The following REV3L variants were observed in gnomAD, a reference collection of about 807,000 sequenced individuals.
REV3L encodes the protein DNA polymerase zeta catalytic subunit.
Under a neutral mutation model 299.4 loss-of-function variants are expected in REV3L, and 69 were observed. The observed-to-expected ratio is 0.23, with a 90% CI of 0.19 to 0.28. REV3L has a LOEUF of 0.28. REV3L is among the 10% of genes least tolerant of loss of function. The pLI, the probability that REV3L is intolerant of heterozygous loss-of-function variation, is 1.00. For synonymous variants in REV3L, 1,238 were observed against 1,271.4 expected, an observed-to-expected ratio of 0.97 and a Z score of 0.56; for missense variants, 3,128 against 3,693.8, an observed-to-expected ratio of 0.85 and a Z score of 3.97.
chr6:111,398,177 A>G (rs972814755), intron 4 of REV3L, among the ~76,000 whole-genome samples: 23 of 151,908 alleles, frequency 1.5e-4, no homozygotes, highest in African/African-American at 5.6e-4. Flanking sequence ...GAGAACTGTT[A>G]CATCTTTTCA....
At chr6:111,331,844 G>A (rs950162018) in intron 23 of REV3L, 60 bp from the exon 24 acceptor site, 12 of 1,115,428 alleles carry the variant, frequency 1.1e-5, no homozygotes, top group South Asian at 2.8e-5. Flanking sequence ...GAGATTTTAC[G>A]CAATTTAAAA....
chr6:111,367,725 T>C lies in REV3L; in HGVS notation c.6063A>G (p.Lys2021=), dbSNP rs1779369769. The change falls in exon 14 of 32, where the codon AAA becomes AAG. Residue 2021 remains lysine (K), a synonymous_variant. Coordinates refer to ENST00000368802, the MANE Select transcript of REV3L (RefSeq NM_001372078.1). ...CTCCAGTTGGCTTGGTTTTAGGCAGTTTCTTGGAACGTTCGTATTCTTCTT... is the reference window on the plus strand; with the variant it reads ...CTCCAGTTGGCTTGGTTTTAGGCAGCTTCTTGGAACGTTCGTATTCTTCTT... ...QAKEEYERSK[K]LPKTKPTGVV... 5 of 1,614,192 alleles carry C rather than the reference T, an allele frequency of 3.1e-6. No individual in the cohort carries two copies. Among genetic ancestry groups the C allele is most frequent in the Non-Finnish European group, 4.2e-6 (5 of 1,180,026 alleles).
At chr6:111,369,988 A>G (rs1053163310) in intron 13 of REV3L, among the ~76,000 whole-genome samples, 8 of 151,964 alleles carry the variant, frequency 5.3e-5, no homozygotes, top group Non-Finnish European at 8.8e-5. Flanking sequence ...TCATGCCACC[A>G]TGCCCAGCTA....
At chr6:111,307,778 C>A (rs1163779873) in intron 30 of REV3L, 5 of 556,200 alleles carry the variant, frequency 9.0e-6, no homozygotes, top group African/African-American at 5.6e-5. Context: ...GAACTTACAT[C>A]TTAATATTAT....
intron 1 of REV3L, among the ~76,000 whole-genome samples, chr6:111,422,966 C>A (rs957104091): frequency 6.6e-6 from 1 of 151,756 alleles, no homozygotes; most frequent in African/African-American, 2.4e-5. Context: ...GAAACTATAT[C>A]GCTGAAATAC....
chr6:111,299,187 A>AGAT lies in REV3L; in HGVS notation c.*826_*828dup, dbSNP rs1771195265. The AGAT allele has an allele frequency of 6.6e-6, 1 of 152,618 alleles. No individual in the cohort carries two copies. The highest frequency in any genetic ancestry group is 1.9e-4 in the East Asian group (1 of 5,206). 9.5% of individuals were successfully genotyped at this position (152,618 alleles called of 1,614,324 possible). A position where few individuals can be genotyped will look rare whatever the true frequency, so the allele number is the denominator to read the frequency against. On this transcript the variant is annotated 3_prime_UTR_variant, in exon 32 of 32. Coordinates refer to ENST00000368802, the MANE Select transcript of REV3L (RefSeq NM_001372078.1). ...ATTCTAAATACACATTTTGTGTTCA[A>AGAT]GATGATGGCAAATAAGATTAACTGT...
At chr6:111,391,685 G>A (rs543976029) in intron 5 of REV3L, among the ~76,000 whole-genome samples, 23 of 152,244 alleles carry the variant, frequency 1.5e-4, no homozygotes, top group Non-Finnish European at 2.6e-4. Flanking sequence ...TCCCAGCTTC[G>A]GCTTGGGAGG....
In REV3L at chr6:111,313,392, A is replaced by G. The variant is rs1200704336; in HGVS notation, c.8564T>C (p.Ile2855Thr). The G allele has an allele frequency of 3.1e-6, 5 of 1,613,430 alleles. 1 individual carries two copies. Among genetic ancestry groups the G allele is most frequent in the South Asian group, 2.2e-5 (2 of 91,002 alleles). Residue 2855 changes from isoleucine to threonine, a missense_variant, in exon 28 of 32, where the codon ATA becomes ACA. Physicochemically the swap from Ile to Thr is moderately conservative, Grantham distance 89 (BLOSUM62 -1). Around this residue, in one of 9 missense-constraint regions of REV3L, gnomAD observed 294 missense variants for 377.0 expected, o/e 0.78. Coordinates refer to ENST00000368802, the MANE Select transcript of REV3L (RefSeq NM_001372078.1). The part of the protein sequence containing the change: ...QKDPVFDAKG[I>T]ETVRRDSCPA... ...GCAGGAATCTCTTCTGACTGTTTCT[A>G]TTCCTTTTGCATCAAATACTGGGTC...
At chr6:111,354,689 A>T (rs1359858790) in intron 18 of REV3L, among the ~76,000 whole-genome samples, 1 of 152,178 alleles carries the variant, frequency 6.6e-6, no homozygotes, top group African/African-American at 2.4e-5. Context: ...CTTGTTCTTC[A>T]ATTTCTAGTG....
intron 1 of REV3L, among the ~76,000 whole-genome samples, chr6:111,450,918 A>G (rs1789460261): frequency 6.6e-6 from 1 of 152,246 alleles, no homozygotes. Context: ...TATTACCTAT[A>G]AACTATCCTA....
chr6:111,330,524 A>G (rs1775272579), intron 24 of REV3L, among the ~76,000 whole-genome samples: 1 of 152,128 alleles, frequency 6.6e-6, no homozygotes, highest in Admixed American at 6.6e-5. Context: ...ATATTCACAC[A>G]CCTGAATATT....
At chr6:111,383,259 T>C (rs964304420) in intron 9 of REV3L, among the ~76,000 whole-genome samples, 1 of 152,198 alleles carries the variant, frequency 6.6e-6, no homozygotes, top group African/African-American at 2.4e-5. Context: ...AACACAGTAC[T>C]AGAAGTCCTA....
intron 1 of REV3L, among the ~76,000 whole-genome samples, chr6:111,467,788 T>A (rs1191364810): frequency 6.6e-6 from 1 of 152,168 alleles, no homozygotes; most frequent in Non-Finnish European, 1.5e-5. Context: ...GATTTTTATA[T>A]CCTCAGGGAT....
At chr6:111,349,425 G>A in intron 19 of REV3L, 89 bp from the exon 20 acceptor site, 1 of 570,334 alleles carries the variant, frequency 1.8e-6, no homozygotes, top group Non-Finnish European at 3.1e-6. Context: ...TATACATTAA[G>A]GATGAATATT....
intron 5 of REV3L, among the ~76,000 whole-genome samples, chr6:111,392,085 T>C (rs573719320): frequency 4.1e-4 from 63 of 152,352 alleles, no homozygotes; most frequent in African/African-American, 1.5e-3. Context: ...AGTTTTCTCA[T>C]ATAAAAAAGT....
At chr6:111,401,597 A>T (rs1336873874) in intron 4 of REV3L, among the ~76,000 whole-genome samples, 2 of 152,226 alleles carry the variant, frequency 1.3e-5, no homozygotes, top group African/African-American at 4.8e-5. Context: ...TCTAAAAGGG[A>T]GGCACATGCT....
intron 1 of REV3L, among the ~76,000 whole-genome samples, chr6:111,481,879 C>A (rs1336566509): frequency 1.3e-5 from 2 of 152,182 alleles, no homozygotes; most frequent in African/African-American, 2.4e-5. Flanking sequence ...CCCTTCCCAT[C>A]CCTTCTTCAA....
intron 8 of REV3L, 26 bp downstream of exon 8, chr6:111,387,975 G>A (rs1322890509): frequency 6.2e-7 from 1 of 1,605,904 alleles, no homozygotes; most frequent in South Asian, 1.1e-5. Flanking sequence ...AATTAGTTCT[G>A]AGATCTATAA....
At chr6:111,449,162 A>C (rs1440255280) in intron 1 of REV3L, among the ~76,000 whole-genome samples, 2 of 152,196 alleles carry the variant, frequency 1.3e-5, no homozygotes, top group Non-Finnish European at 2.9e-5. Context: ...TAAACAGAAA[A>C]GCATGTAAAT....
Sources: gnomAD v4.1 joint callset for allele counts (sites outside exome capture counted in the v4.1 genomes callset) on GRCh38, gnomAD v4.1.1 for gene constraint, gnomAD v4.1.1 regional missense constraint, MANE v1.5 for transcripts, NCBI Gene and HGNC (gene_info 2026-07-23, HGNC 2026-07-21) for gene names.